GSE1: variants seen among roughly 807,000 people sequenced by gnomAD.
GSE1 encodes the protein Gse1 coiled-coil protein.
A neutral mutation model predicts 112.6 loss-of-function variants in GSE1; 32 were observed. That is an observed-to-expected ratio of 0.28 (90% CI 0.21 to 0.38). The LOEUF is 0.38. Ranked by LOEUF, GSE1 falls within the 10% of genes least tolerant of loss-of-function variation. The pLI, the probability that GSE1 is intolerant of heterozygous loss-of-function variation, is 1.00. For synonymous variants in GSE1, 1,115 were observed against 735.6 expected (o/e 1.52, Z -8.35); for missense variants, 2,348 against 1,699.2 (o/e 1.38, Z -6.71).
intron 1 of GSE1, among the ~76,000 whole-genome samples, chr16:85,322,970 T>C (rs1329731988): frequency 6.6e-6 from 1 of 152,140 alleles, no homozygotes; most frequent in Non-Finnish European, 1.5e-5. Flanking sequence ...TCAGTGCTGA[T>C]TGGTGAGTGA....
chr16:85,440,616 G>A (rs1382344398), intron 2 of GSE1, among the ~76,000 whole-genome samples: 1 of 152,222 alleles, frequency 6.6e-6, no homozygotes, highest in African/African-American at 2.4e-5. Flanking sequence ...CCCTGGCTGG[G>A]GTCAGTGGTC....
chr16:85,211,331 A>C (rs1011602511), intron 1 of GSE1, among the ~76,000 whole-genome samples: 1 of 149,398 alleles, frequency 6.7e-6, no homozygotes. Context: ...TTTTAAGGGA[A>C]TGTCTTTCTT....
chr16:85,170,599 A>T lies in GSE1; in HGVS notation c.1075A>T (p.Ser359Cys), dbSNP rs2074343821. 4.1e-6 allele frequency: 4 copies of T among 985,414 alleles called. No homozygotes were observed. The South Asian group carries it at 1.4e-4, about 35-fold the overall frequency. The allele number at this position is 985,414 out of a possible 1,614,324, so 61.0% of individuals were successfully genotyped here. A position where few individuals can be genotyped will look rare whatever the true frequency, so the allele number is the denominator to read the frequency against. ...CCGTGTCCCCCGGGCTCTCCAGGAC[A>T]GCCGGGCGGCACCAGCAGAAGGCCT... The change falls in exon 1 of 3, where the codon AGC becomes TGC. Residue 359 changes from serine (S) to cysteine (C), a missense_variant. Ser to Cys is a moderately radical substitution (Grantham distance 112). Transcript: ENST00000637419.
chr16:85,267,407 C>CAGACCT (rs1908362728), intron 1 of GSE1, among the ~76,000 whole-genome samples: 1 of 152,172 alleles, frequency 6.6e-6, no homozygotes, highest in Non-Finnish European at 1.5e-5. Context: ...CGGTGACTTC[C>CAGACCT]CAAGGATACC....
At chr16:85,527,286 C>T (rs1447513359) in intron 2 of GSE1, among the ~76,000 whole-genome samples, 1 of 152,216 alleles carries the variant, frequency 6.6e-6, no homozygotes, top group African/African-American at 2.4e-5. Flanking sequence ...TGTTAAAGGG[C>T]GTCATGTGAG....
Position 85,272,833 on chromosome 16 carries a change from A to G in GSE1, c.2284-84630A>G, listed in dbSNP as rs1287575474. 2.3e-4 allele frequency among the ~76,000 whole-genome samples: 34 copies of G among 149,472 alleles called. 1 individual carries two copies. Among genetic ancestry groups the G allele is most frequent in the Admixed American group, 2.3e-3 (34 of 15,014 alleles). On this transcript the variant is annotated intron_variant, in intron 1 of 2. Coordinates refer to the GSE1 transcript ENST00000637419. ...CTCTTGTTGCCCAGGCTGGAGTGCA[A>G]TGACATGATCTCTGCTCACTGCAAC...
At chr16:85,458,190 C>G (rs1259347202) in intron 2 of GSE1, among the ~76,000 whole-genome samples, 1 of 152,122 alleles carries the variant, frequency 6.6e-6, no homozygotes, top group Non-Finnish European at 1.5e-5. Flanking sequence ...CATTTCTGGA[C>G]CCCCTGCAGC....
intron 2 of GSE1, among the ~76,000 whole-genome samples, chr16:85,366,474 G>C (rs148611156): frequency 6.6e-6 from 1 of 152,250 alleles, no homozygotes; most frequent in East Asian, 1.9e-4. Flanking sequence ...TTGTAATGCC[G>C]GGAGTGCAGA....
rs74871520 is a variant in GSE1 at position 85,436,410 on chromosome 16, G to A, written c.2464+78767G>A. The stretch of plus-strand genomic sequence containing the variant: ...CCAGCCCCAGCATCCCGGCGTCTCT[G>A]CTCAGTCAGCCACACTCCAGTGCGA... On this transcript the variant is annotated intron_variant, in intron 2 of 2. Coordinates refer to the GSE1 transcript ENST00000637419. 7.1e-3 allele frequency among the ~76,000 whole-genome samples: 1,088 copies of A among 152,296 alleles called. 12 individuals are homozygous for A. Among genetic ancestry groups the A allele is most frequent in the African/African-American group, 0.024 (994 of 41,552 alleles).
At chr16:85,460,728 G>A (rs1015723888) in intron 2 of GSE1, among the ~76,000 whole-genome samples, 1 of 152,016 alleles carries the variant, frequency 6.6e-6, no homozygotes, top group Non-Finnish European at 1.5e-5. Context: ...GCGCAGACAC[G>A]GTCCTGTGGT....
At chr16:85,450,449 A>T (rs930157679) in intron 2 of GSE1, among the ~76,000 whole-genome samples, 3 of 145,568 alleles carry the variant, frequency 2.1e-5, no homozygotes, top group African/African-American at 7.6e-5. Flanking sequence ...TTTATTTTTT[A>T]TTTTTTATTT....
intron 1 of GSE1, among the ~76,000 whole-genome samples, chr16:85,580,664 G>A (rs1426590431): frequency 5.3e-5 from 8 of 152,234 alleles, no homozygotes; most frequent in Non-Finnish European, 1.5e-5. Flanking sequence ...AGATGTGGAA[G>A]CCCCGACCCT....
chr16:85,483,122 G>C (rs959185415), intron 2 of GSE1, among the ~76,000 whole-genome samples: 5 of 152,228 alleles, frequency 3.3e-5, no homozygotes, highest in Non-Finnish European at 7.3e-5. Flanking sequence ...CTGGCTATGT[G>C]GATCAGGTGT....
chr16:85,220,985 A>T (rs2143747098), intron 1 of GSE1, among the ~76,000 whole-genome samples: 1 of 112,954 alleles, frequency 8.9e-6, no homozygotes, highest in Non-Finnish European at 1.7e-5. Flanking sequence ...CTGGCCCAGC[A>T]AGGCACATGG....
chr16:85,635,605 G>A (rs568133394), intron 2 of GSE1, among the ~76,000 whole-genome samples: 9 of 152,324 alleles, frequency 5.9e-5, no homozygotes, highest in East Asian at 3.9e-4. Context: ...GGAGAGAAGC[G>A]AGGTCAGAGC....
chr16:85,189,862 T>TC (rs58817172), intron 1 of GSE1, among the ~76,000 whole-genome samples: 18 of 152,332 alleles, frequency 1.2e-4, no homozygotes, highest in African/African-American at 4.3e-4. Flanking sequence ...TGTAATGATG[T>TC]CCCCCCTTTC....
chr16:85,621,831 G>A (rs908297231), intron 1 of GSE1, among the ~76,000 whole-genome samples: 3 of 152,206 alleles, frequency 2.0e-5, no homozygotes, highest in African/African-American at 4.8e-5. Flanking sequence ...AGGGCGCTCC[G>A]GCCCACCTCT....
intron 2 of GSE1, among the ~76,000 whole-genome samples, chr16:85,404,829 CCT>C (rs2048236573): frequency 2.5e-5 from 1 of 39,656 alleles, no homozygotes; most frequent in Non-Finnish European, 4.9e-5. Flanking sequence ...CTCAGGCCCC[CCT>C]GGATAATCCT....
At chr16:85,657,691 A>C in intron 8 of GSE1, 87 bp downstream of exon 8, 1 of 822,796 alleles carries the variant, frequency 1.2e-6, no homozygotes, top group Non-Finnish European at 1.8e-6. Context: ...TTTGCCCAAC[A>C]TCCTGCCCCA....
Sources: allele counts gnomAD v4.1 joint callset (sites outside exome capture counted in the v4.1 genomes callset), GRCh38; gene constraint gnomAD v4.1.1; transcripts MANE v1.5; gene names NCBI Gene and HGNC (gene_info 2026-07-23, HGNC 2026-07-21).